BACE1: variants seen among roughly 807,000 people sequenced by gnomAD.
BACE1 encodes the protein APP beta-secretase.
In BACE1, 21 loss-of-function variants were observed where a neutral mutation model predicts 54.0. The ratio of observed to expected loss-of-function variants is 0.39; its 90% CI spans 0.28 to 0.56. The LOEUF (loss-of-function observed/expected upper bound fraction) is 0.56, where lower values mean the gene tolerates loss of function less well. BACE1 is among the 20% of genes least tolerant of loss of function. The probability of loss-of-function intolerance (pLI) is 0.63; values close to 1 mark genes in which losing one functional copy is unlikely to be tolerated. For synonymous variants in BACE1, 232 were observed against 260.9 expected (o/e 0.89, Z 1.07); for missense variants, 511 against 661.2 (o/e 0.77, Z 2.49).
Position 117,315,558 on chromosome 11 carries a change from T to G in BACE1, c.238A>C (p.Thr80Pro). The change falls in exon 1 of 9, where the codon ACC becomes CCC. Residue 80 changes from threonine to proline, a missense_variant. By Grantham distance (38) the Thr-to-Pro change is conservative (BLOSUM62 -1). This residue lies in a region of BACE1 where 407 missense variants were observed against 565.7 expected (regional missense o/e 0.72). Coordinates refer to ENST00000313005, the MANE Select transcript of BACE1 (RefSeq NM_012104.6). The surrounding 1 kb of genome is among the most constrained non-coding windows in gnomAD (Gnocchi z 5.5). ...KSGQGYYVEM[T>P]VGSPPQTLNI... The stretch of plus-strand genomic sequence containing the variant: ...ACCGTCTGCGGGGGGCTGCCCACGG[T>G]CATCTCCACGTAGTAGCCCTGCCCC... The G allele has an allele frequency of 6.3e-7, 1 of 1,587,400 alleles. No homozygotes were observed. Among genetic ancestry groups the G allele is most frequent in the South Asian group, 1.1e-5 (1 of 88,058 alleles).
chr11:117,291,428 C>T (rs551305295), intron 6 of BACE1, among the ~76,000 whole-genome samples: 15 of 152,276 alleles, frequency 9.9e-5, no homozygotes, highest in African/African-American at 3.4e-4. Flanking sequence ...CAGGCGTGCG[C>T]CACCACACCC....
At chr11:117,305,422 T>G (rs376887017) in intron 1 of BACE1, among the ~76,000 whole-genome samples, 1 of 152,146 alleles carries the variant, frequency 6.6e-6, no homozygotes, top group Non-Finnish European at 1.5e-5. Context: ...CCTGTGCAAA[T>G]GGACTCCTTT....
intron 1 of BACE1, among the ~76,000 whole-genome samples, chr11:117,301,515 G>GA (rs1419168199): frequency 3.3e-5 from 5 of 151,992 alleles, no homozygotes; most frequent in African/African-American, 4.8e-5. Context: ...AGGCTGAGGT[G>GA]AAAGGATCGC....
chr11:117,291,566 A>G (rs1046644793), intron 6 of BACE1, 146 bp downstream of exon 6: 17 of 578,416 alleles, frequency 2.9e-5, no homozygotes, highest in Admixed American at 1.2e-4. Context: ...GTGAGCCACC[A>G]CGCCTGGCTA....
chr11:117,300,679 G>A (rs2034705877), intron 1 of BACE1, among the ~76,000 whole-genome samples: 1 of 152,204 alleles, frequency 6.6e-6, no homozygotes. Context: ...ACCTGCCTGC[G>A]GCTGCCCCTT....
At chr11:117,306,348 G>T (rs1029049079) in intron 1 of BACE1, among the ~76,000 whole-genome samples, 1 of 152,126 alleles carries the variant, frequency 6.6e-6, no homozygotes, top group African/African-American at 2.4e-5. Context: ...CCACCCACAG[G>T]TTACAGTGGC....
Position 117,315,465 on chromosome 11 carries a change from G to C in BACE1, c.261+70C>G. On this transcript the variant is annotated intron_variant, in intron 1 of 8. Transcript: ENST00000313005. This position sits in a 1 kb window ranked among gnomAD's most constrained non-coding sequence, Gnocchi z 5.5. ...AGCCCATTTGAGCAGGGGCTAGCTT[G>C]AGGCATCCCCATCCTGTCTCCCCTC... 2 of 1,530,282 alleles carry C rather than the reference G, an allele frequency of 1.3e-6. No homozygotes were observed. The highest frequency in any genetic ancestry group is 1.7e-6 in the Non-Finnish European group (2 of 1,145,652). 94.8% of individuals were successfully genotyped at this position (1,530,282 alleles called of 1,614,324 possible).
At chr11:117,292,139 G>T in intron 5 of BACE1, 1 of 152,540 alleles carries the variant, frequency 6.6e-6, no homozygotes, top group Non-Finnish European at 1.4e-5. Context: ...CTCCAAACTT[G>T]AAAATAAAAA....
At position 117,286,715 on chromosome 11, in the gene BACE1, T is replaced by C. The variant is rs542832668; in HGVS notation, c.*2851A>G. The stretch of plus-strand genomic sequence containing the variant: ...TTCTCTTGCCTCACTTGCCCAGGTT[T>C]ATTGACTAGCGTCAGTTTAAGGAGC... On this transcript the variant is annotated 3_prime_UTR_variant, in exon 9 of 9. Coordinates refer to ENST00000313005, the MANE Select transcript of BACE1 (RefSeq NM_012104.6). 1 of 152,812 alleles carries C rather than the reference T, an allele frequency of 6.5e-6. No individual in the cohort carries two copies. Among genetic ancestry groups the C allele is most frequent in the East Asian group, 1.9e-4 (1 of 5,178 alleles). 9.5% of individuals were successfully genotyped at this position (152,812 alleles called of 1,614,324 possible).
rs2035107919 is a variant in BACE1, at chr11:117,315,990, G to C, written c.-195C>G. 1 of 479,066 alleles carries C rather than the reference G, an allele frequency of 2.1e-6. No homozygotes were observed. Among genetic ancestry groups the C allele is most frequent in the East Asian group, 3.5e-5 (1 of 28,318 alleles). 29.7% of individuals were successfully genotyped at this position (479,066 alleles called of 1,614,324 possible). A position where few individuals can be genotyped will look rare whatever the true frequency, so the allele number is the denominator to read the frequency against. On this transcript the variant is annotated 5_prime_UTR_variant, in exon 1 of 9. Transcript: ENST00000313005. The surrounding 1 kb of genome is among the most constrained non-coding windows in gnomAD (Gnocchi z 5.5). Reference sequence around the variant, plus strand: ...AGAGCGGTCAGGGGAGATCCGCAGAGCACGGGAGCAGGGGAGAGGCTGGGA... The same window carrying C: ...AGAGCGGTCAGGGGAGATCCGCAGACCACGGGAGCAGGGGAGAGGCTGGGA...
chr11:117,314,096 C>T (rs948599212), intron 1 of BACE1, among the ~76,000 whole-genome samples: 1 of 152,230 alleles, frequency 6.6e-6, no homozygotes, highest in Admixed American at 6.5e-5. Context: ...CAGCCCCGTC[C>T]TGCATCGTGC....
intron 1 of BACE1, 189 bp from the exon 2 acceptor site, chr11:117,297,150 T>C: frequency 1.8e-6 from 1 of 549,380 alleles, no homozygotes; most frequent in Non-Finnish European, 3.2e-6. Flanking sequence ...GGTCCTGTGG[T>C]GCTGCAGGGG....
Position 117,289,410 on chromosome 11 carries a change from G to A in BACE1, c.*156C>T. 7 of 1,310,696 alleles carry A rather than the reference G, an allele frequency of 5.3e-6. No individual in the cohort carries two copies. The highest frequency in any genetic ancestry group is 7.1e-6 in the Non-Finnish European group (7 of 981,608). 81.2% of individuals were successfully genotyped at this position (1,310,696 alleles called of 1,614,324 possible). A position where few individuals can be genotyped will look rare whatever the true frequency, so the allele number is the denominator to read the frequency against. On this transcript the variant is annotated 3_prime_UTR_variant, in exon 9 of 9. Coordinates refer to ENST00000313005, the MANE Select transcript of BACE1 (RefSeq NM_012104.6). ...ACAGTCCCTGGAACCCACCTTGCCAGCCTTTTCCTTCTCCATCAAGGCAGA... is the reference window on the plus strand; with the variant it reads ...ACAGTCCCTGGAACCCACCTTGCCAACCTTTTCCTTCTCCATCAAGGCAGA...
At chr11:117,301,994 T>G (rs1459994123) in intron 1 of BACE1, among the ~76,000 whole-genome samples, 2 of 152,216 alleles carry the variant, frequency 1.3e-5, no homozygotes, top group Non-Finnish European at 1.5e-5. Flanking sequence ...AAAGTGCAAA[T>G]TTGACTGTTA....
At chr11:117,306,978 G>A (rs2034845804) in intron 1 of BACE1, among the ~76,000 whole-genome samples, 1 of 152,168 alleles carries the variant, frequency 6.6e-6, no homozygotes, top group Admixed American at 6.5e-5. Context: ...GGCAGAGCTT[G>A]GCCAGTTTGC....
In BACE1 at chr11:117,293,834, C is replaced by G. The variant is rs770189848; in HGVS notation, c.705+37G>C. 1.9e-6 allele frequency: 3 copies of G among 1,583,614 alleles called. No homozygotes were observed. Among genetic ancestry groups the G allele is most frequent in the South Asian group, 1.1e-5 (1 of 87,124 alleles). ...GAGAGGATGGCACCCATCTCTCCCTCAATGCCAGGACCTCCCCTCTCTGAG... is the reference window on the plus strand; with the variant it reads ...GAGAGGATGGCACCCATCTCTCCCTGAATGCCAGGACCTCCCCTCTCTGAG... On this transcript the variant is annotated intron_variant, in intron 4 of 8. Coordinates refer to ENST00000313005, the MANE Select transcript of BACE1 (RefSeq NM_012104.6). This position sits in a 1 kb window ranked among gnomAD's most constrained non-coding sequence, Gnocchi z 4.1.
chr11:117,290,569 C>T lies in BACE1; in HGVS notation c.1183G>A (p.Gly395Arg). The change falls in exon 8 of 9, where the codon GGA becomes AGA. Residue 395 changes from glycine (G) to arginine (R), a missense_variant. Coordinates refer to ENST00000313005, the MANE Select transcript of BACE1 (RefSeq NM_012104.6). ...TAGAAGCCCTCCATGATAACAGCTC[C>T]CATAACAGTGCCCGTGGATGACTGT... is the stretch of plus-strand genomic sequence containing the variant. ...ISQSSTGTVM[G>R]AVIMEGFYVV... The T allele has an allele frequency of 6.2e-7, 1 of 1,614,210 alleles. No individual in the cohort carries two copies. Among genetic ancestry groups the T allele is most frequent in the Non-Finnish European group, 8.5e-7 (1 of 1,180,042 alleles).
intron 1 of BACE1, among the ~76,000 whole-genome samples, chr11:117,303,214 G>A (rs907841937): frequency 4.6e-5 from 7 of 152,118 alleles, no homozygotes; most frequent in African/African-American, 9.7e-5. Context: ...CTGTATTTAC[G>A]CAGCCTGTGA....
intron 1 of BACE1, among the ~76,000 whole-genome samples, chr11:117,314,115 C>T (rs1458674464): frequency 6.6e-6 from 1 of 152,154 alleles, no homozygotes; most frequent in Non-Finnish European, 1.5e-5. Context: ...GCCATGGGGT[C>T]CATGCACAGT....
Sources: gnomAD v4.1 joint callset for allele counts (sites outside exome capture counted in the v4.1 genomes callset) on GRCh38, gnomAD v4.1.1 for gene constraint, gnomAD v4.1.1 regional missense constraint, Gnocchi (gnomAD v3.1) non-coding constraint, MANE v1.5 for transcripts, NCBI Gene and HGNC (gene_info 2026-07-23, HGNC 2026-07-21) for gene names.